OSBPL7: variants seen among roughly 807,000 people sequenced by gnomAD.
OSBPL7 encodes oxysterol binding protein like 7, also known as oxysterol-binding protein-related protein 7.
Under a neutral mutation model 115.8 loss-of-function variants are expected in OSBPL7, and 66 were observed. The ratio of observed to expected loss-of-function variants is 0.57; its 90% CI spans 0.47 to 0.70. The LOEUF is 0.70. OSBPL7 is among the 30% of genes least tolerant of loss of function. OSBPL7 has a pLI of 0.00. For missense variants in OSBPL7, 902 were observed against 1,125.5 expected (o/e 0.80, Z 2.84); for synonymous variants, 441 against 439.2 (o/e 1.00, Z -0.05).
rs144817635 is a variant in OSBPL7, at chr17:47,819,561, G to A, written c.255+168C>T. 167 of 760,914 alleles carry A rather than the reference G, an allele frequency of 2.2e-4. 2 individuals are homozygous for A. The African/African-American group carries it at 2.2e-3, about 10-fold the overall frequency. The allele number at this position is 760,914 out of a possible 1,614,324, so 47.1% of individuals were successfully genotyped here. A position where few individuals can be genotyped will look rare whatever the true frequency, so the allele number is the denominator to read the frequency against. On this transcript the variant is annotated intron_variant, in intron 4 of 22. Transcript: ENST00000007414. ...GGGGGATGGTGCTCTCCCATTAGAGGTGAGGAAGCTATGGCCCAGGGATGT... is the reference window on the plus strand; with the variant it reads ...GGGGGATGGTGCTCTCCCATTAGAGATGAGGAAGCTATGGCCCAGGGATGT...
chr17:47,819,918 C>CCATA, intron 3 of OSBPL7, 53 bp downstream of exon 3: 1 of 1,517,046 alleles, frequency 6.6e-7, no homozygotes, highest in Non-Finnish European at 9.1e-7. Context: ...AGCTGCCCCC[C>CCATA]ATTCCCACCC....
Position 47,821,721 on chromosome 17 carries a change from T to A in OSBPL7, c.-143A>T, listed in dbSNP as rs2033399475. The A allele has an allele frequency of 6.6e-6, 1 of 152,260 alleles. No individual in the cohort carries two copies. Among genetic ancestry groups the A allele is most frequent in the Non-Finnish European group, 1.5e-5 (1 of 68,108 alleles). 9.4% of individuals were successfully genotyped at this position (152,260 alleles called of 1,614,324 possible). On this transcript the variant is annotated 5_prime_UTR_variant, in exon 1 of 23. Transcript: ENST00000007414. ...GCCCTTGCGCCGCTCTGCCTCTGAG[T>A]CACCGTCTCCGAGTCACCGGCTCCC...
At position 47,810,840 on chromosome 17, in the gene OSBPL7, G is replaced by T. The variant is rs1286444965; in HGVS notation, c.1738-5C>A. 6.2e-7 allele frequency: 1 copy of T among 1,613,180 alleles called. No homozygotes were observed. Among genetic ancestry groups the T allele is most frequent in the Admixed American group, 1.7e-5 (1 of 59,940 alleles). The stretch of plus-strand genomic sequence containing the variant: ...GATAGGGGGGTGGTGGGAGACCTTG[G>T]TGAGCAAAGAAGTTATCTTGAGGCT... On this transcript the variant is annotated splice_polypyrimidine_tract_variant and splice_region_variant and intron_variant, in intron 16 of 22. Transcript: ENST00000007414.
intron 16 of OSBPL7, among the ~76,000 whole-genome samples, chr17:47,811,037 C>A (rs905499060): frequency 1.3e-5 from 2 of 152,058 alleles, no homozygotes; most frequent in Non-Finnish European, 2.9e-5. Context: ...CCTTCTCACT[C>A]GCTCTTCCTC....
chr17:47,816,387 C>A lies in OSBPL7; in HGVS notation c.1023+1G>T. The A allele has an allele frequency of 6.6e-7, 1 of 1,508,718 alleles. No homozygotes were observed. Among genetic ancestry groups the A allele is most frequent in the Admixed American group, 2.2e-5 (1 of 45,788 alleles). The allele number at this position is 1,508,718 out of a possible 1,614,324, so 93.5% of individuals were successfully genotyped here. On this transcript the variant is annotated splice_donor_variant, in intron 11 of 22. Transcript: ENST00000007414. LOFTEE classifies it high-confidence loss of function. This position sits in a 1 kb window ranked among gnomAD's most constrained non-coding sequence, Gnocchi z 5.8. ...CAGTCACCCTGTCCCCCAGGCCTCA[C>A]CCCCATTCTTGACAACTCTGAGCCC...
intron 3 of OSBPL7, 41 bp downstream of exon 3, chr17:47,819,930 G>GC: frequency 7.1e-6 from 2 of 282,108 alleles, no homozygotes; most frequent in South Asian, 3.8e-5. Flanking sequence ...TTCCCACCCC[G>GC]CCCCCCATGT....
Position 47,816,122 on chromosome 17 carries a change from G to A in OSBPL7, c.1104C>T (p.Ser368=), listed in dbSNP as rs2143546529. 1 of 1,551,212 alleles carries A rather than the reference G, an allele frequency of 6.4e-7. No individual in the cohort carries two copies. The highest frequency in any genetic ancestry group is 8.7e-7 in the Non-Finnish European group (1 of 1,146,856). The change falls in exon 12 of 23, where the codon TCC becomes TCT. Residue 368 remains serine (S), a synonymous_variant. Transcript: ENST00000007414. The surrounding 1 kb of genome is among the most constrained non-coding windows in gnomAD (Gnocchi z 5.8). ...GGCTCCTCACCTCCTCAGGGTTGAG[G>A]GAGCTGAAAGAGTCCGCCGTGGTGT... ...SSDTTADSFS[S]LNPEEQEALY...
chr17:47,814,479 A>AGGCCCCCC, intron 14 of OSBPL7, 42 bp downstream of exon 14: 1 of 1,086,684 alleles, frequency 9.2e-7, no homozygotes, highest in Non-Finnish European at 1.4e-6. Context: ...CTGTTTTTCC[A>AGGCCCCCC]CCCGCCTCCC....
chr17:47,814,741 G>T, intron 13 of OSBPL7, 127 bp from the exon 14 acceptor site: 1 of 781,992 alleles, frequency 1.3e-6, no homozygotes, highest in Non-Finnish European at 2.1e-6. Flanking sequence ...TGTATTGGGG[G>T]CACTCTGAGC....
intron 20 of OSBPL7, 41 bp downstream of exon 20, chr17:47,809,035 T>G: frequency 4.3e-6 from 7 of 1,613,752 alleles, no homozygotes. Context: ...ATGCCTGAGC[T>G]GCTCCAGCCT....
At chr17:47,809,821 G>A (rs910951270) in intron 18 of OSBPL7, among the ~76,000 whole-genome samples, 7 of 151,890 alleles carry the variant, frequency 4.6e-5, no homozygotes, top group African/African-American at 1.7e-4. Flanking sequence ...ACTTCTTACT[G>A]TCATGTCACA....
intron 12 of OSBPL7, chr17:47,815,867 G>T: frequency 4.4e-6 from 2 of 453,272 alleles, no homozygotes; most frequent in Non-Finnish European, 3.9e-6. Context: ...GTTTTGTTAT[G>T]CTGAGGGTGA....
Position 47,807,385 on chromosome 17 carries a change from T to G in OSBPL7, c.*906A>C, listed in dbSNP as rs535754659. 1.3e-5 allele frequency: 2 copies of G among 152,694 alleles called. No individual in the cohort carries two copies. Among genetic ancestry groups the G allele is most frequent in the South Asian group, 4.1e-4 (2 of 4,820 alleles). 9.5% of individuals were successfully genotyped at this position (152,694 alleles called of 1,614,324 possible). Reference sequence around the variant, plus strand: ...CACAGGCCAAAGTCTGGGACAGTCTTTATTGGAGCTTGGAATGTCATAGCA... The same window carrying G: ...CACAGGCCAAAGTCTGGGACAGTCTGTATTGGAGCTTGGAATGTCATAGCA... On this transcript the variant is annotated 3_prime_UTR_variant, in exon 23 of 23. Transcript: ENST00000007414.
intron 4 of OSBPL7, 91 bp downstream of exon 4, chr17:47,819,638 C>A (rs763706580): frequency 3.4e-6 from 5 of 1,488,610 alleles, no homozygotes; most frequent in Non-Finnish European, 4.7e-6. Context: ...GATTCAGACC[C>A]TGCTCTGGTC....
At position 47,808,380 on chromosome 17, in the gene OSBPL7, CGCT is replaced by C; in HGVS notation, c.2437_2439del (p.Ser813del). ...TTGTTGGTCACCCACCACTCTTTCC[CGCT>C]GCTATCCGTCTGCCGCCTGGTGGGA... On this transcript the variant is annotated inframe_deletion, in exon 23 of 23. Coordinates refer to ENST00000007414, the MANE Select transcript of OSBPL7 (RefSeq NM_145798.3). This position sits in a 1 kb window ranked among gnomAD's most constrained non-coding sequence, Gnocchi z 6.1. The C allele has an allele frequency of 6.2e-7, 1 of 1,614,180 alleles. No individual in the cohort carries two copies. The highest frequency in any genetic ancestry group is 8.5e-7 in the Non-Finnish European group (1 of 1,180,010).
Position 47,818,592 on chromosome 17 carries a change from T to C in OSBPL7, c.394A>G (p.Ser132Gly). The change falls in exon 6 of 23, where the codon AGC becomes GGC. Residue 132 changes from serine to glycine, a missense_variant. By Grantham distance (56) the Ser-to-Gly change is moderately conservative (BLOSUM62 0). This residue lies in a region of OSBPL7 where 667 missense variants were observed against 788.7 expected (regional missense o/e 0.85). Transcript: ENST00000007414. ...LKIKSQDLFQSWVAQLRAHRL... is the reference protein window; with the variant it reads ...LKIKSQDLFQGWVAQLRAHRL... ...TGGGCACGCAGCTGCGCCACCCAGCTCTGGAATAGGTCCTGGGATTTGATC... is the reference window on the plus strand; with the variant it reads ...TGGGCACGCAGCTGCGCCACCCAGCCCTGGAATAGGTCCTGGGATTTGATC... 1 of 1,613,114 alleles carries C rather than the reference T, an allele frequency of 6.2e-7. No homozygotes were observed. The highest frequency in any genetic ancestry group is 8.5e-7 in the Non-Finnish European group (1 of 1,179,822).
Position 47,816,409 on chromosome 17 carries a change from GCCCTGGTGCATGTC to G in OSBPL7, c.988_1001del (p.Asp330LeufsTer10). ...TCACCCCCATTCTTGACAACTCTGA[GCCCTGGTGCATGTC>G]CCTCAGTTGGTCCCGTTCCATGGTG... On this transcript the variant is annotated frameshift_variant, in exon 11 of 23. Coordinates refer to ENST00000007414, the MANE Select transcript of OSBPL7 (RefSeq NM_145798.3). LOFTEE classifies it high-confidence loss of function. This position sits in a 1 kb window ranked among gnomAD's most constrained non-coding sequence, Gnocchi z 5.8. The G allele has an allele frequency of 6.5e-7, 1 of 1,531,558 alleles. No homozygotes were observed. Among genetic ancestry groups the G allele is most frequent in the Non-Finnish European group, 8.8e-7 (1 of 1,137,078 alleles). 94.9% of individuals were successfully genotyped at this position (1,531,558 alleles called of 1,614,324 possible). A position where few individuals can be genotyped will look rare whatever the true frequency, so the allele number is the denominator to read the frequency against.
Position 47,816,117 on chromosome 17 carries a change from T to C in OSBPL7, c.1109A>G (p.Asn370Ser), listed in dbSNP as rs774555998. Residue 370 changes from asparagine (N) to serine (S), a missense_variant, in exon 12 of 23, where the codon AAC becomes AGC. Around this residue, in one of 3 missense-constraint regions of OSBPL7, gnomAD observed 667 missense variants for 788.7 expected, o/e 0.85. Transcript: ENST00000007414. This position sits in a 1 kb window ranked among gnomAD's most constrained non-coding sequence, Gnocchi z 5.8. ...ACCCTGGCTCCTCACCTCCTCAGGG[T>C]TGAGGGAGCTGAAAGAGTCCGCCGT... ...DTTADSFSSL[N>S]PEEQEALYMK... The C allele has an allele frequency of 1.3e-6, 2 of 1,550,444 alleles. No individual in the cohort carries two copies. The highest frequency in any genetic ancestry group is 8.7e-7 in the Non-Finnish European group (1 of 1,146,504).
In OSBPL7 at chr17:47,813,816, C is replaced by G. The variant is rs946742710; in HGVS notation, c.1370G>C (p.Arg457Thr). 4 of 1,610,586 alleles carry G rather than the reference C, an allele frequency of 2.5e-6. No individual in the cohort carries two copies. The highest frequency in any genetic ancestry group is 3.4e-6 in the Non-Finnish European group (4 of 1,179,158). ...RCQKGGCVPGRPMGPPRRRCL... is the reference protein window; with the variant it reads ...RCQKGGCVPGTPMGPPRRRCL... ...GCGACGGCGGGGTGGCCCCATGGGT[C>G]TCCCTGGAACACACCCCCCTGGGGC... The change falls in exon 15 of 23, where the codon AGA (arginine) becomes ACA (threonine). Residue 457 changes from arginine (R) to threonine (T), a missense_variant. By Grantham distance (71) the Arg-to-Thr change is moderately conservative. Coordinates refer to ENST00000007414, the MANE Select transcript of OSBPL7 (RefSeq NM_145798.3).
Sources: gnomAD v4.1 joint callset for allele counts (sites outside exome capture counted in the v4.1 genomes callset) on GRCh38, gnomAD v4.1.1 for gene constraint, gnomAD v4.1.1 regional missense constraint, Gnocchi (gnomAD v3.1) non-coding constraint, MANE v1.5 for transcripts, NCBI Gene and HGNC (gene_info 2026-07-23, HGNC 2026-07-21) for gene names.